The following SH3RF3 variants were observed in gnomAD, a reference collection of about 807,000 sequenced individuals.
SH3RF3 encodes E3 ubiquitin-protein ligase SH3RF3.
SH3RF3 carries 29 observed loss-of-function variants against 66.3 expected under a neutral mutation model. That is an observed-to-expected ratio of 0.44 (90% CI 0.33 to 0.60). SH3RF3 has a LOEUF of 0.60. SH3RF3 is among the 20% of genes least tolerant of loss of function. The probability of loss-of-function intolerance (pLI) is 0.04; values close to 1 mark genes in which losing one functional copy is unlikely to be tolerated. For synonymous variants in SH3RF3, 583 were observed against 532.0 expected (o/e 1.10, Z -1.32); for missense variants, 1,194 against 1,190.9 (o/e 1.00, Z -0.04).
intron 1 of SH3RF3, among the ~76,000 whole-genome samples, chr2:109,212,730 C>T (rs1434069086): frequency 6.6e-6 from 1 of 152,240 alleles, no homozygotes; most frequent in African/African-American, 2.4e-5. Flanking sequence ...GACCCATTCT[C>T]TCTTTGCCCG....
chr2:109,259,588 T>C (rs925198528), intron 1 of SH3RF3, among the ~76,000 whole-genome samples: 7 of 152,208 alleles, frequency 4.6e-5, no homozygotes, highest in African/African-American at 9.6e-5. Flanking sequence ...TGCCCTGGAG[T>C]TACCATGTTT....
intron 1 of SH3RF3, among the ~76,000 whole-genome samples, chr2:109,265,791 A>G (rs1309401875): frequency 6.6e-6 from 1 of 152,248 alleles, no homozygotes; most frequent in Non-Finnish European, 1.5e-5. Context: ...AAAGCTTTTA[A>G]TATGCAGGGT....
At chr2:109,402,249 C>T (rs1676336258) in intron 4 of SH3RF3, among the ~76,000 whole-genome samples, 1 of 152,248 alleles carries the variant, frequency 6.6e-6, no homozygotes, top group Non-Finnish European at 1.5e-5. Context: ...AGTGCCTGGC[C>T]TGAGGACTGG....
At chr2:109,296,224 G>T (rs7599635) in intron 1 of SH3RF3, among the ~76,000 whole-genome samples, 64,508 of 151,350 alleles carry the variant, frequency 0.43, 14,155 homozygotes, top group African/African-American at 0.54. Flanking sequence ...GAATGACCTA[G>T]TATTATTATT....
intron 4 of SH3RF3, among the ~76,000 whole-genome samples, chr2:109,404,886 G>A (rs1448652766): frequency 4.6e-5 from 7 of 152,062 alleles, no homozygotes; most frequent in Non-Finnish European, 5.9e-5. Context: ...AGCACTTGAC[G>A]CTGTGGACAG....
At chr2:109,221,107 T>A (rs1679226534) in intron 1 of SH3RF3, among the ~76,000 whole-genome samples, 1 of 152,216 alleles carries the variant, frequency 6.6e-6, no homozygotes, top group Non-Finnish European at 1.5e-5. Flanking sequence ...GCTGCATGGA[T>A]GAACTTTGAA....
chr2:109,150,357 A>G (rs888236413), intron 1 of SH3RF3, among the ~76,000 whole-genome samples: 1 of 152,158 alleles, frequency 6.6e-6, no homozygotes, highest in African/African-American at 2.4e-5. Flanking sequence ...CAGGTGGTAC[A>G]AGACCATGCT....
chr2:109,266,093 C>T (rs892338302), intron 1 of SH3RF3, among the ~76,000 whole-genome samples: 3 of 147,940 alleles, frequency 2.0e-5, no homozygotes, highest in Non-Finnish European at 3.0e-5. Context: ...GTGTGTTGTG[C>T]GTGCATGTGT....
intron 1 of SH3RF3, among the ~76,000 whole-genome samples, chr2:109,331,971 G>A (rs1461062115): frequency 6.6e-6 from 1 of 152,218 alleles, no homozygotes; most frequent in East Asian, 1.9e-4. Context: ...TCCTGGTGCT[G>A]TGACTGTCTG....
chr2:109,296,735 G>T (rs1168872860), intron 1 of SH3RF3, among the ~76,000 whole-genome samples: 1 of 152,160 alleles, frequency 6.6e-6, no homozygotes, highest in Non-Finnish European at 1.5e-5. Context: ...GGTGAGGGGA[G>T]TGCAGAGGAT....
intron 1 of SH3RF3, among the ~76,000 whole-genome samples, chr2:109,154,226 C>T (rs1677286218): frequency 6.6e-6 from 1 of 152,186 alleles, no homozygotes; most frequent in African/African-American, 2.4e-5. Context: ...GTGGTGCTTT[C>T]TGTCATTTCT....
At chr2:109,358,324 T>C (rs114936535) in intron 2 of SH3RF3, among the ~76,000 whole-genome samples, 2,657 of 152,340 alleles carry the variant, frequency 0.017, 29 homozygotes, top group Non-Finnish European at 0.027. Flanking sequence ...GTTACTTCCA[T>C]GTTTGGGTAA....
intron 1 of SH3RF3, among the ~76,000 whole-genome samples, chr2:109,306,673 A>C (rs1362934092): frequency 1.3e-5 from 2 of 152,260 alleles, no homozygotes; most frequent in African/African-American, 4.8e-5. Context: ...CCAAATGCCC[A>C]GTAACCTAGC....
chr2:109,439,826 T>A (rs11892434), intron 7 of SH3RF3, among the ~76,000 whole-genome samples: 2,115 of 151,890 alleles, frequency 0.014, 52 homozygotes, highest in African/African-American at 0.048. Context: ...CCACCCCGGT[T>A]AGAGAGAATG....
In SH3RF3 at chr2:109,490,710, G is replaced by A. The variant is rs533441712; in HGVS notation, c.2254G>A (p.Val752Met). ...TCCAACCCACGACCCCCAGGTGGCC[G>A]TGGACGCCCTGCTCCAAGGTGCAGT... is the stretch of plus-strand genomic sequence containing the variant. ...VSPTHDPQVA[V>M]DALLQGAVGP... Residue 752 changes from valine to methionine, a missense_variant, in exon 9 of 10, where the codon GTG becomes ATG. By Grantham distance (21) the Val-to-Met change is conservative. Transcript: ENST00000309415. The A allele has an allele frequency of 1.0e-4, 154 of 1,534,196 alleles. No homozygotes were observed. Among genetic ancestry groups the A allele is most frequent in the Non-Finnish European group, 1.3e-4 (145 of 1,144,702 alleles).
At chr2:109,261,657 C>T (rs1445516433) in intron 1 of SH3RF3, among the ~76,000 whole-genome samples, 2 of 152,144 alleles carry the variant, frequency 1.3e-5, no homozygotes, top group Non-Finnish European at 2.9e-5. Flanking sequence ...GTGTGCTGGC[C>T]AGGCCCCATG....
At chr2:109,144,649 G>C (rs1005242327) in intron 1 of SH3RF3, among the ~76,000 whole-genome samples, 23 of 152,224 alleles carry the variant, frequency 1.5e-4, no homozygotes, top group Admixed American at 2.0e-4. Context: ...GATTTATTTT[G>C]GACATGACAG....
Position 109,402,355 on chromosome 2 carries a change from G to T in SH3RF3, c.1299+3412G>T, listed in dbSNP as rs114610812. On this transcript the variant is annotated intron_variant, in intron 4 of 9. Transcript: ENST00000309415. ...ACCATGCTGGCCACAGCCCAGGAGAGGGAGCCCAGGCCCAGGATTCTGTGG... is the reference window on the plus strand; with the variant it reads ...ACCATGCTGGCCACAGCCCAGGAGATGGAGCCCAGGCCCAGGATTCTGTGG... 6.2e-3 allele frequency among the ~76,000 whole-genome samples: 939 copies of T among 152,368 alleles called. 11 individuals are homozygous for T. The highest frequency in any genetic ancestry group is 0.021 in the African/African-American group (883 of 41,584).
intron 1 of SH3RF3, among the ~76,000 whole-genome samples, chr2:109,303,252 G>A (rs1681513198): frequency 6.6e-6 from 1 of 152,178 alleles, no homozygotes; most frequent in African/African-American, 2.4e-5. Context: ...AGGATCTGAG[G>A]ACCACCTCCC....
Sources: gnomAD v4.1 joint callset for allele counts (sites outside exome capture counted in the v4.1 genomes callset) on GRCh38, gnomAD v4.1.1 for gene constraint, MANE v1.5 for transcripts, NCBI Gene and HGNC (gene_info 2026-07-23, HGNC 2026-07-21) for gene names.